CERS6: variants seen among roughly 807,000 people sequenced by gnomAD.
CERS6 encodes ceramide synthase 6.
CERS6 carries 26 observed loss-of-function variants against 56.8 expected under a neutral mutation model. The observed-to-expected ratio is 0.46, with a 90% CI of 0.34 to 0.63. The LOEUF is 0.63. CERS6 is among the 30% of genes least tolerant of loss of function. The pLI is 0.01. For missense variants in CERS6, 415 were observed against 467.5 expected, an observed-to-expected ratio of 0.89 and a Z score of 1.04; for synonymous variants, 164 against 173.3, an observed-to-expected ratio of 0.95 and a Z score of 0.42.
chr2:168,679,723 A>G (rs1469114926), intron 4 of CERS6, among the ~76,000 whole-genome samples: 1 of 152,198 alleles, frequency 6.6e-6, no homozygotes, highest in Non-Finnish European at 1.5e-5. Context: ...TTCTCTTTAT[A>G]GTGTTTATGA....
chr2:168,643,238 G>T (rs114342385), intron 4 of CERS6, among the ~76,000 whole-genome samples: 1 of 152,020 alleles, frequency 6.6e-6, no homozygotes, highest in Non-Finnish European at 1.5e-5. Context: ...GTGATACTTC[G>T]CTAATTAGTT....
chr2:168,716,599 C>A (rs1300518081), intron 7 of CERS6, among the ~76,000 whole-genome samples: 1 of 152,142 alleles, frequency 6.6e-6, no homozygotes. Context: ...CACCTGTCAG[C>A]TCCTCAACAT....
intron 8 of CERS6, among the ~76,000 whole-genome samples, chr2:168,736,672 C>T (rs75752008): frequency 0.013 from 1,959 of 152,266 alleles, 44 homozygotes; most frequent in African/African-American, 0.044. Flanking sequence ...AATTGAGAAA[C>T]GTCTGACTGT....
At chr2:168,707,246 A>C (rs1686980298) in intron 6 of CERS6, among the ~76,000 whole-genome samples, 1 of 152,212 alleles carries the variant, frequency 6.6e-6, no homozygotes, top group Non-Finnish European at 1.5e-5. Flanking sequence ...ATCCCCCTCA[A>C]GGACCTAAAT....
chr2:168,464,929 G>A (rs1042440790), intron 1 of CERS6, among the ~76,000 whole-genome samples: 2 of 152,200 alleles, frequency 1.3e-5, no homozygotes, highest in African/African-American at 4.8e-5. Flanking sequence ...TGGATCTGTT[G>A]TGCACTGTTG....
intron 4 of CERS6, among the ~76,000 whole-genome samples, chr2:168,662,557 C>T (rs751544828): frequency 2.0e-5 from 3 of 152,054 alleles, no homozygotes; most frequent in African/African-American, 4.8e-5. Context: ...GGTGAAACCC[C>T]GTCTCAACTA....
intron 3 of CERS6, among the ~76,000 whole-genome samples, chr2:168,583,468 T>G (rs746241796): frequency 3.3e-4 from 50 of 152,384 alleles, no homozygotes; most frequent in South Asian, 8.3e-4. Context: ...TTTCCTTGCT[T>G]CTTTTTCATT....
chr2:168,774,718 T>A lies in CERS6; in HGVS notation c.*5056T>A, dbSNP rs1230668124. On this transcript the variant is annotated 3_prime_UTR_variant, in exon 10 of 10. Coordinates refer to ENST00000305747, the MANE Select transcript of CERS6 (RefSeq NM_203463.3). Reference sequence around the variant, plus strand: ...CTGAAACTTTAACTTAGAGCTTCATTACTTTAAGAATGGAAAACAACCTCT... The same window carrying A: ...CTGAAACTTTAACTTAGAGCTTCATAACTTTAAGAATGGAAAACAACCTCT... 1.7e-4 allele frequency: 26 copies of A among 152,184 alleles called. No homozygotes were observed. The highest frequency in any genetic ancestry group is 6.3e-4 in the African/African-American group (26 of 41,446). 9.4% of individuals were successfully genotyped at this position (152,184 alleles called of 1,614,324 possible).
At chr2:168,726,333 A>C (rs1024114342) in intron 8 of CERS6, among the ~76,000 whole-genome samples, 5 of 152,180 alleles carry the variant, frequency 3.3e-5, no homozygotes, top group Admixed American at 6.5e-5. Context: ...CTACAATACA[A>C]TATTCTCTTA....
At chr2:168,627,857 G>A (rs1003864106) in intron 3 of CERS6, among the ~76,000 whole-genome samples, 3 of 150,472 alleles carry the variant, frequency 2.0e-5, no homozygotes, top group East Asian at 1.9e-4. Flanking sequence ...TTCATCTTTG[G>A]TTCATTTCTC....
chr2:168,514,239 A>G lies in CERS6; in HGVS notation c.171-33357A>G, dbSNP rs184503808. On this transcript the variant is annotated intron_variant, in intron 1 of 9. Transcript: ENST00000305747. ...CTCCCCATGGCCTTAAAAATTTCCCAAAGAAGTGTAGTCATCTGAGTACTG... is the reference window on the plus strand; with the variant it reads ...CTCCCCATGGCCTTAAAAATTTCCCGAAGAAGTGTAGTCATCTGAGTACTG... Among the ~76,000 whole-genome samples, 6 of 152,312 alleles carry G rather than the reference A, an allele frequency of 3.9e-5. No individual in the cohort carries two copies. In the East Asian group the frequency reaches 9.6e-4, roughly 24 times the overall value.
At chr2:168,697,241 C>T (rs73026594) in intron 6 of CERS6, among the ~76,000 whole-genome samples, 2,236 of 152,238 alleles carry the variant, frequency 0.015, 51 homozygotes, top group African/African-American at 0.051. Flanking sequence ...CCTGTCAAAG[C>T]GAGCTTGGGC....
intron 4 of CERS6, among the ~76,000 whole-genome samples, chr2:168,667,269 C>T (rs1685786084): frequency 7.9e-5 from 12 of 152,210 alleles, no homozygotes; most frequent in Admixed American, 7.9e-4. Flanking sequence ...TTGTCAGTTT[C>T]TTGCACAGGC....
chr2:168,746,774 G>GAT (rs1684106505), intron 8 of CERS6, among the ~76,000 whole-genome samples: 1 of 33,344 alleles, frequency 3.0e-5, no homozygotes, highest in Non-Finnish European at 5.8e-5. Context: ...AAGGGTAAAG[G>GAT]GTATATATAT....
At chr2:168,591,125 G>A (rs1216882264) in intron 3 of CERS6, among the ~76,000 whole-genome samples, 1 of 152,200 alleles carries the variant, frequency 6.6e-6, no homozygotes, top group African/African-American at 2.4e-5. Flanking sequence ...TCATAGGGCT[G>A]TAAACACCTC....
At chr2:168,542,949 A>T (rs1425225916) in intron 1 of CERS6, among the ~76,000 whole-genome samples, 1 of 152,166 alleles carries the variant, frequency 6.6e-6, no homozygotes, top group Non-Finnish European at 1.5e-5. Flanking sequence ...TGCCTGCCTT[A>T]GCCTCCCAAC....
rs974185549 is a variant in CERS6 at position 168,635,326 on chromosome 2, A to C, written c.465+4284A>C. ...GGCTCTGGGAATGTGGAAAAACTAC[A>C]AATTGGAACCAGCTGCTGCTGCTGG... On this transcript the variant is annotated intron_variant, in intron 4 of 9. Transcript: ENST00000305747. Among the ~76,000 whole-genome samples the C allele has an allele frequency of 2.6e-5, 4 of 152,204 alleles. 1 individual carries two copies. Among genetic ancestry groups the C allele is most frequent in the Admixed American group, 1.3e-4 (2 of 15,272 alleles).
intron 3 of CERS6, among the ~76,000 whole-genome samples, chr2:168,598,190 G>C (rs1683847542): frequency 6.6e-6 from 1 of 152,156 alleles, no homozygotes; most frequent in African/African-American, 2.4e-5. Flanking sequence ...TGACCTTCTT[G>C]AGCATCTCAA....
intron 1 of CERS6, among the ~76,000 whole-genome samples, chr2:168,502,279 A>G (rs533650037): frequency 7.3e-5 from 11 of 150,968 alleles, no homozygotes; most frequent in African/African-American, 2.4e-4. Context: ...TGAAAGAACA[A>G]TTTTGTTTTA....
Sources: gnomAD v4.1 joint callset for allele counts (sites outside exome capture counted in the v4.1 genomes callset) on GRCh38, gnomAD v4.1.1 for gene constraint, MANE v1.5 for transcripts, NCBI Gene and HGNC (gene_info 2026-07-23, HGNC 2026-07-21) for gene names.